STIM2: variants seen among roughly 807,000 people sequenced by gnomAD.
STIM2 encodes the protein stromal interaction molecule 2.
Under a neutral mutation model 85.8 loss-of-function variants are expected in STIM2, and 31 were observed. The observed-to-expected ratio is 0.36, with a 90% CI of 0.27 to 0.49. The LOEUF is 0.49. Ranked by LOEUF, STIM2 falls within the 20% of genes least tolerant of loss-of-function variation. STIM2 has a pLI of 0.98. For missense variants in STIM2, 841 were observed against 927.6 expected, an observed-to-expected ratio of 0.91 and a Z score of 1.21; for synonymous variants, 356 against 331.1, an observed-to-expected ratio of 1.08 and a Z score of -0.82.
At chr4:26,888,007 A>T (rs1371417660) in intron 1 of STIM2, among the ~76,000 whole-genome samples, 3 of 152,190 alleles carry the variant, frequency 2.0e-5, no homozygotes, top group Admixed American at 6.5e-5. Context: ...TTTCTCAGAA[A>T]AGGCTTTCCT....
At chr4:26,990,912 T>C (rs533778285) in intron 3 of STIM2, among the ~76,000 whole-genome samples, 13 of 152,202 alleles carry the variant, frequency 8.5e-5, no homozygotes, top group African/African-American at 2.6e-4. Flanking sequence ...ATGGCTGTTA[T>C]CAAAAAGACA....
Position 26,919,749 on chromosome 4 carries a change from C to G in STIM2, c.282+115C>G. 3.2e-6 allele frequency: 4 copies of G among 1,252,966 alleles called. No homozygotes were observed. The East Asian group carries it at 1.0e-4, about 31-fold the overall frequency. 77.6% of individuals were successfully genotyped at this position (1,252,966 alleles called of 1,614,324 possible). On this transcript the variant is annotated intron_variant, in intron 2 of 11. Transcript: ENST00000467087. ...GGCTCATTGCCTTCATCTTCAACAT[C>G]TTTAATTTTTCTTTTTACATGTTAA...
intron 1 of STIM2, among the ~76,000 whole-genome samples, chr4:26,875,149 T>G (rs1722772726): frequency 6.6e-6 from 1 of 150,888 alleles, no homozygotes; most frequent in Non-Finnish European, 1.5e-5. Flanking sequence ...TCCATATTCT[T>G]AACTTACTAT....
chr4:27,009,439 C>CA lies in STIM2; in HGVS notation c.1489+438dup, dbSNP rs1277997085. Among the ~76,000 whole-genome samples, 5 of 152,252 alleles carry CA rather than the reference C, an allele frequency of 3.3e-5. No individual in the cohort carries two copies. In the East Asian group the frequency reaches 7.7e-4, roughly 24 times the overall value. On this transcript the variant is annotated intron_variant, in intron 10 of 11. Coordinates refer to ENST00000467087, the MANE Select transcript of STIM2 (RefSeq NM_020860.4). Reference sequence around the variant, plus strand: ...GTGTGGGAATGAAGTGCTGAGCATTCAGGGAAAATATCCTTTCAAATGGCC... The same window carrying CA: ...GTGTGGGAATGAAGTGCTGAGCATTCAAGGGAAAATATCCTTTCAAATGGCC...
At chr4:27,003,839 C>T (rs758459929) in intron 7 of STIM2, among the ~76,000 whole-genome samples, 6 of 152,114 alleles carry the variant, frequency 3.9e-5, no homozygotes, top group Non-Finnish European at 5.9e-5. Flanking sequence ...CTGGTAAAGG[C>T]CACCCACATT....
intron 1 of STIM2, among the ~76,000 whole-genome samples, chr4:26,908,575 T>C (rs1724216005): frequency 6.6e-6 from 1 of 152,164 alleles, no homozygotes; most frequent in Non-Finnish European, 1.5e-5. Context: ...CCTCCGCCTC[T>C]TGGGTTCAAG....
intron 1 of STIM2, among the ~76,000 whole-genome samples, chr4:26,876,076 T>G (rs527573469): frequency 1.3e-5 from 2 of 152,322 alleles, no homozygotes; most frequent in Non-Finnish European, 2.9e-5. Flanking sequence ...GTCTTGTTTT[T>G]GTTACTTGGA....
At chr4:26,912,284 C>T (rs1724374260) in intron 1 of STIM2, among the ~76,000 whole-genome samples, 1 of 152,160 alleles carries the variant, frequency 6.6e-6, no homozygotes, top group Admixed American at 6.5e-5. Context: ...TAGTGGGCTG[C>T]AGTCCTTAGT....
intron 1 of STIM2, among the ~76,000 whole-genome samples, chr4:26,871,943 G>C (rs781239049): frequency 1.3e-5 from 2 of 152,098 alleles, no homozygotes; most frequent in Non-Finnish European, 2.9e-5. Context: ...TTGTAATTTT[G>C]GGTAGATGAT....
chr4:26,996,753 A>G (rs1312315731), intron 4 of STIM2, among the ~76,000 whole-genome samples: 1 of 152,176 alleles, frequency 6.6e-6, no homozygotes, highest in Non-Finnish European at 1.5e-5. Flanking sequence ...ACAGAGTCAA[A>G]CATTAAAATG....
intron 2 of STIM2, among the ~76,000 whole-genome samples, chr4:26,956,691 A>G (rs1161209139): frequency 7.0e-6 from 1 of 143,668 alleles, no homozygotes; most frequent in Non-Finnish European, 1.5e-5. Flanking sequence ...AAAAGGCAGA[A>G]GAACATAGAA....
At chr4:27,005,979 G>A (rs185287737) in intron 7 of STIM2, among the ~76,000 whole-genome samples, 41 of 152,234 alleles carry the variant, frequency 2.7e-4, no homozygotes, top group Middle Eastern at 3.4e-3. Flanking sequence ...AAGGGCTTGC[G>A]GACTTACATT....
chr4:26,934,728 A>G (rs1725330745), intron 2 of STIM2, among the ~76,000 whole-genome samples: 1 of 152,166 alleles, frequency 6.6e-6, no homozygotes, highest in African/African-American at 2.4e-5. Context: ...AGCCTGACCA[A>G]CATGGAGAAA....
chr4:26,915,805 G>A (rs1473037480), intron 1 of STIM2, among the ~76,000 whole-genome samples: 1 of 152,164 alleles, frequency 6.6e-6, no homozygotes. Context: ...ACAAGGTGAG[G>A]GCACTGAGGG....
intron 2 of STIM2, among the ~76,000 whole-genome samples, chr4:26,948,588 A>G (rs1385386718): frequency 1.3e-5 from 2 of 152,142 alleles, no homozygotes; most frequent in East Asian, 1.9e-4. Context: ...ATAGTGAGAC[A>G]TTGTCTCTAT....
chr4:26,861,693 TGA>T, intron 1 of STIM2: 1 of 185,148 alleles, frequency 5.4e-6, no homozygotes, highest in Non-Finnish European at 1.0e-5. Context: ...GGGACTGGGC[TGA>T]TTTTTTTTTT....
chr4:26,874,099 C>T, intron 1 of STIM2: 1 of 581,400 alleles, frequency 1.7e-6, no homozygotes, highest in Admixed American at 2.1e-5. Flanking sequence ...CGAGCTGCAG[C>T]TTGGAGGCTC....
intron 2 of STIM2, among the ~76,000 whole-genome samples, chr4:26,933,677 AT>A (rs1290433831): frequency 6.7e-6 from 1 of 148,958 alleles, no homozygotes; most frequent in Non-Finnish European, 1.5e-5. Context: ...AGGTAGGAAG[AT>A]CACTTGAGCT....
chr4:27,011,113 C>A (rs1728539651), intron 10 of STIM2, among the ~76,000 whole-genome samples: 1 of 152,138 alleles, frequency 6.6e-6, no homozygotes, highest in African/African-American at 2.4e-5. Flanking sequence ...CATTGCCTAC[C>A]CTTCCCCACT....
Sources: gnomAD v4.1 joint callset for allele counts (sites outside exome capture counted in the v4.1 genomes callset) on GRCh38, gnomAD v4.1.1 for gene constraint, MANE v1.5 for transcripts, NCBI Gene and HGNC (gene_info 2026-07-23, HGNC 2026-07-21) for gene names.